Variants in PARD3 observed in about 807,000 individuals in gnomAD.
PARD3 encodes par-3 family cell polarity regulator.
Under a neutral mutation model 155.4 loss-of-function variants are expected in PARD3, and 75 were observed. That is an observed-to-expected ratio of 0.48 (90% CI 0.40 to 0.58). The LOEUF is 0.58. Among genes scored for constraint, PARD3 ranks in the 20% least tolerant of loss-of-function variants. PARD3 has a pLI of 0.00. For synonymous variants in PARD3, 576 were observed against 610.5 expected (o/e 0.94, Z 0.83); for missense variants, 1,642 against 1,721.7 (o/e 0.95, Z 0.82).
chr10:34,578,016 T>G (rs1197064969), intron 2 of PARD3, among the ~76,000 whole-genome samples: 2 of 151,400 alleles, frequency 1.3e-5, no homozygotes, highest in African/African-American at 4.8e-5. Flanking sequence ...CACACCTCAC[T>G]ACATGCGGCT....
rs1452816425 is a variant in PARD3, at chr10:34,120,787, TC to T, written c.3541-1048del. On this transcript the variant is annotated intron_variant, in intron 23 of 24. Coordinates refer to ENST00000374788, the MANE Select transcript of PARD3 (RefSeq NM_001184785.2). ...AATGGCAATTTACCTAAGTTAATCA[TC>T]CCCTATAGAGAACACTTCAATCCTT... is the stretch of plus-strand genomic sequence containing the variant. Among the ~76,000 whole-genome samples the T allele has an allele frequency of 2.0e-5, 3 of 152,324 alleles. No homozygotes were observed. The East Asian group carries it at 5.8e-4, about 29-fold the overall frequency.
chr10:34,364,953 T>C (rs1240710878), intron 12 of PARD3, among the ~76,000 whole-genome samples: 1 of 152,184 alleles, frequency 6.6e-6, no homozygotes, highest in African/African-American at 2.4e-5. Context: ...TTCAAATTAA[T>C]GATATCCAAC....
intron 2 of PARD3, among the ~76,000 whole-genome samples, chr10:34,659,117 G>T (rs909130901): frequency 2.6e-5 from 4 of 152,074 alleles, no homozygotes; most frequent in African/African-American, 9.7e-5. Flanking sequence ...ATCCTGAAAG[G>T]CACACCCAGC....
chr10:34,645,408 G>A (rs1320239391), intron 2 of PARD3, among the ~76,000 whole-genome samples: 1 of 151,964 alleles, frequency 6.6e-6, no homozygotes, highest in Non-Finnish European at 1.5e-5. Flanking sequence ...GTTTCATCGT[G>A]TTGACCAGGC....
At chr10:34,669,353 CAGAA>C (rs1188964182) in intron 2 of PARD3, among the ~76,000 whole-genome samples, 1 of 152,138 alleles carries the variant, frequency 6.6e-6, no homozygotes, top group East Asian at 1.9e-4. Context: ...TGAAACAACT[CAGAA>C]AGTCAAATAC....
intron 1 of PARD3, among the ~76,000 whole-genome samples, chr10:34,730,416 GACT>G (rs970872936): frequency 1.3e-5 from 2 of 152,064 alleles, no homozygotes; most frequent in Non-Finnish European, 2.9e-5. Flanking sequence ...CATAATGCAG[GACT>G]ACTTTTTAAC....
intron 3 of PARD3, among the ~76,000 whole-genome samples, chr10:34,516,108 G>GCT (rs1564799456): frequency 6.6e-6 from 1 of 151,996 alleles, no homozygotes; most frequent in Non-Finnish European, 1.5e-5. Context: ...GGGATTACAG[G>GCT]CAACCGCCAC....
chr10:34,367,379 T>C (rs974160174), intron 12 of PARD3, among the ~76,000 whole-genome samples: 3 of 152,230 alleles, frequency 2.0e-5, no homozygotes, highest in African/African-American at 7.2e-5. Context: ...GATTTAATCA[T>C]TTTCGTAACT....
rs148494743 is a variant in PARD3, at chr10:34,492,566, C to G, written c.404-22303G>C. On this transcript the variant is annotated intron_variant, in intron 3 of 24. Transcript: ENST00000374788. Reference sequence around the variant, plus strand: ...TTTTAAAACTTTTTCTTTATAGGACCTAAATATTGACAGTTAACCTTTAGA... The same window carrying G: ...TTTTAAAACTTTTTCTTTATAGGACGTAAATATTGACAGTTAACCTTTAGA... Among the ~76,000 whole-genome samples the G allele has an allele frequency of 1.6e-3, 243 of 152,236 alleles. 1 individual carries two copies. The highest frequency in any genetic ancestry group is 1.9e-3 in the Non-Finnish European group (131 of 68,028).
intron 1 of PARD3, among the ~76,000 whole-genome samples, chr10:34,766,440 C>G (rs1366945601): frequency 6.6e-6 from 1 of 152,078 alleles, no homozygotes; most frequent in Non-Finnish European, 1.5e-5. Context: ...AAGGAAGTGT[C>G]AAATCTGACT....
At chr10:34,699,845 A>T (rs1387015641) in intron 1 of PARD3, among the ~76,000 whole-genome samples, 1 of 152,182 alleles carries the variant, frequency 6.6e-6, no homozygotes, top group East Asian at 1.9e-4. Flanking sequence ...ACTGCACTCC[A>T]GCCTGGGCAA....
chr10:34,150,766 AG>A (rs1281981941), intron 22 of PARD3, among the ~76,000 whole-genome samples: 3 of 152,322 alleles, frequency 2.0e-5, no homozygotes, highest in Admixed American at 2.0e-4. Flanking sequence ...ATGAGTGCTA[AG>A]GTTTCACTAG....
chr10:34,401,705 T>C (rs1447035705), intron 6 of PARD3, 121 bp downstream of exon 6: 7 of 746,188 alleles, frequency 9.4e-6, no homozygotes, highest in South Asian at 1.5e-5. Context: ...AACAAATCAA[T>C]GCACGGCATG....
At position 34,435,434 on chromosome 10, in the gene PARD3, AAGAG is replaced by A. The variant is rs1039026691; in HGVS notation, c.714+14879_714+14882del. On this transcript the variant is annotated intron_variant, in intron 5 of 24. Transcript: ENST00000374788. ...CAATAAATGATGGAACAATGAAAGA[AAGAG>A]AAAGACTGCCAGATCCAAATAGGTA... Among the ~76,000 whole-genome samples the A allele has an allele frequency of 3.3e-5, 5 of 152,358 alleles. No homozygotes were observed. In the East Asian group the frequency reaches 9.6e-4, roughly 29 times the overall value.
intron 1 of PARD3, among the ~76,000 whole-genome samples, chr10:34,766,686 G>C (rs1369599774): frequency 7.0e-6 from 1 of 142,842 alleles, no homozygotes; most frequent in Admixed American, 7.0e-5. Context: ...TTCAGAGGAG[G>C]AAAAAAAGCA....
chr10:34,645,160 TTTTTA>T (rs3065320), intron 2 of PARD3, among the ~76,000 whole-genome samples: 54,028 of 149,896 alleles, frequency 0.36, 9,913 homozygotes, highest in South Asian at 0.43. Flanking sequence ...GCCAACACTA[TTTTTA>T]TTTTATTTTA....
intron 7 of PARD3, among the ~76,000 whole-genome samples, chr10:34,390,220 C>T (rs1842756074): frequency 6.6e-6 from 1 of 152,038 alleles, no homozygotes; most frequent in South Asian, 2.1e-4. Context: ...AGCATATGTA[C>T]CCAATTAACT....
At chr10:34,569,992 T>C (rs2086260238) in intron 2 of PARD3, among the ~76,000 whole-genome samples, 1 of 152,046 alleles carries the variant, frequency 6.6e-6, no homozygotes, top group Admixed American at 6.6e-5. Flanking sequence ...ATCGTAAGAC[T>C]TTTTTATTTC....
intron 2 of PARD3, among the ~76,000 whole-genome samples, chr10:34,522,961 A>C: frequency 6.6e-6 from 1 of 152,198 alleles, no homozygotes; most frequent in East Asian, 1.9e-4. Flanking sequence ...GCAGGCTACA[A>C]ACTAAGATTA....
Sources: gnomAD v4.1 joint callset for allele counts (sites outside exome capture counted in the v4.1 genomes callset) on GRCh38, gnomAD v4.1.1 for gene constraint, MANE v1.5 for transcripts, NCBI Gene and HGNC (gene_info 2026-07-23, HGNC 2026-07-21) for gene names.